SNX27: variants seen among roughly 807,000 people sequenced by gnomAD.
SNX27 encodes sorting nexin 27.
In SNX27, 22 loss-of-function variants were observed where a neutral mutation model predicts 71.6. The observed-to-expected ratio is 0.31, with a 90% confidence interval of 0.22 to 0.44. SNX27 has a LOEUF of 0.44. Among genes scored for constraint, SNX27 ranks in the 20% least tolerant of loss-of-function variants. SNX27 has a pLI of 1.00. For missense variants in SNX27, 531 were observed against 698.6 expected (o/e 0.76, Z 2.70); for synonymous variants, 269 against 277.2 (o/e 0.97, Z 0.29).
At chr1:151,638,779 C>T in intron 1 of SNX27, 109 bp from the exon 2 acceptor site, 4 of 953,098 alleles carry the variant, frequency 4.2e-6, no homozygotes, top group African/African-American at 1.6e-5. Context: ...AATCTTTTGA[C>T]TTCATGGTTC....
intron 2 of SNX27, among the ~76,000 whole-genome samples, chr1:151,639,837 A>C (rs1238706004): frequency 2.0e-5 from 3 of 152,198 alleles, no homozygotes; most frequent in East Asian, 1.9e-4. Context: ...TTTTGGTTGC[A>C]ATATGCTTTA....
At chr1:151,637,157 TTTTTGTTTTTTTG>T (rs1449817061) in intron 1 of SNX27, among the ~76,000 whole-genome samples, 3 of 29,270 alleles carry the variant, frequency 1.0e-4, no homozygotes, top group Non-Finnish European at 5.3e-4. Context: ...GATCACGTTT[TTTTTGTTTTTTTG>T]TTTTTTTTTT....
At position 151,668,482 on chromosome 1, in the gene SNX27, G is replaced by C; in HGVS notation, c.996G>C (p.Leu332Phe). ...TTGTCTTTCCTTTAGTACGTAAATT[G>C]GCACCTAATGAGTTTCCTCACAAAC... The part of the protein sequence containing the change: ...EVISHSFVRK[L>F]APNEFPHKLY... The change falls in exon 7 of 12, where the codon TTG (leucine) becomes TTC (phenylalanine). Residue 332 changes from leucine to phenylalanine, a missense_variant. Coordinates refer to ENST00000458013, the MANE Select transcript of SNX27 (RefSeq NM_001330723.2). The C allele has an allele frequency of 6.2e-7, 1 of 1,609,782 alleles. No homozygotes were observed. The highest frequency in any genetic ancestry group is 1.3e-5 in the African/African-American group (1 of 74,764).
At chr1:151,680,531 T>C (rs1258973393) in intron 7 of SNX27, 8 of 152,194 alleles carry the variant, frequency 5.3e-5, no homozygotes, top group African/African-American at 1.9e-4. Flanking sequence ...TTGGAATTGC[T>C]GGAGTAGATA....
At chr1:151,670,029 A>G (rs781451221) in intron 7 of SNX27, among the ~76,000 whole-genome samples, 19 of 151,830 alleles carry the variant, frequency 1.3e-4, no homozygotes, top group Non-Finnish European at 2.6e-4. Flanking sequence ...ACCATCCCTG[A>G]CTCTTCCCCA....
At chr1:151,670,056 C>T (rs1192280891) in intron 7 of SNX27, among the ~76,000 whole-genome samples, 2 of 152,188 alleles carry the variant, frequency 1.3e-5, no homozygotes, top group Non-Finnish European at 2.9e-5. Flanking sequence ...CACTACCCTT[C>T]CCAGAGTCTG....
chr1:151,612,459 CG>C lies in SNX27; in HGVS notation c.265del (p.Ala89ArgfsTer16). On this transcript the variant is annotated frameshift_variant, in exon 1 of 12. Coordinates refer to ENST00000458013, the MANE Select transcript of SNX27 (RefSeq NM_001330723.2). LOFTEE classifies it high-confidence loss of function. The surrounding 1 kb of genome is among the most constrained non-coding windows in gnomAD (Gnocchi z 5.2). ...TGCAGCATGTGAGCGCCGTGCTGCC[CG>C]GGGGGGCGGCCGATCGGGCCGGGGT... is the stretch of plus-strand genomic sequence containing the variant. ...PLQHVSAVLP[G>X]GAADRAGVRK... is the part of the protein sequence containing the mutation. 17 of 1,424,340 alleles carry C rather than the reference CG, an allele frequency of 1.2e-5. No homozygotes were observed. Among genetic ancestry groups the C allele is most frequent in the Admixed American group, 9.4e-5 (3 of 31,790 alleles). The allele number at this position is 1,424,340 out of a possible 1,614,324, so 88.2% of individuals were successfully genotyped here. A position where few individuals can be genotyped will look rare whatever the true frequency, so the allele number is the denominator to read the frequency against.
At chr1:151,678,701 CTTA>C (rs1434361986) in intron 7 of SNX27, 1 of 123,248 alleles carries the variant, frequency 8.1e-6, no homozygotes, top group Non-Finnish European at 2.1e-5. Flanking sequence ...TCTCAAATGA[CTTA>C]TTTTTTTGTT....
chr1:151,615,804 G>C (rs1667400952), intron 1 of SNX27: 1 of 984,554 alleles, frequency 1.0e-6, no homozygotes, highest in Admixed American at 6.1e-5. Flanking sequence ...AACTGACAGT[G>C]GTGTGAAAGA....
At chr1:151,682,618 C>T (rs1042035815) in intron 7 of SNX27, among the ~76,000 whole-genome samples, 3 of 152,168 alleles carry the variant, frequency 2.0e-5, no homozygotes, top group African/African-American at 7.2e-5. Context: ...CTCACAGTTT[C>T]GCATGGCTTG....
At chr1:151,641,606 TATA>T (rs1173083204) in intron 2 of SNX27, among the ~76,000 whole-genome samples, 2 of 78,778 alleles carry the variant, frequency 2.5e-5, no homozygotes, top group Non-Finnish European at 5.0e-5. Flanking sequence ...CAGATATATA[TATA>T]TATATATATA....
At chr1:151,679,679 TA>T (rs1670852607) in intron 7 of SNX27, 1 of 152,138 alleles carries the variant, frequency 6.6e-6, no homozygotes, top group African/African-American at 2.4e-5. Flanking sequence ...TCAGAGGAAA[TA>T]AAAAATTTTG....
Position 151,628,860 on chromosome 1 carries a change from CT to C in SNX27, c.312-10025del, listed in dbSNP as rs1323812979. Among the ~76,000 whole-genome samples, 3 of 152,220 alleles carry C rather than the reference CT, an allele frequency of 2.0e-5. No individual in the cohort carries two copies. The South Asian group carries it at 6.2e-4, about 32-fold the overall frequency. ...TTCTTATTGTTGAGTTTTAATAGCTCTTTGTATATTTTGGATACAAGTGTTT... is the reference window on the plus strand; with the variant it reads ...TTCTTATTGTTGAGTTTTAATAGCTCTTGTATATTTTGGATACAAGTGTTT... On this transcript the variant is annotated intron_variant, in intron 1 of 11. Transcript: ENST00000458013.
chr1:151,683,958 A>G, intron 8 of SNX27, among the ~76,000 whole-genome samples: 1 of 152,142 alleles, frequency 6.6e-6, no homozygotes, highest in East Asian at 1.9e-4. Flanking sequence ...TGAGCCACTG[A>G]GCCTGGCCCA....
At chr1:151,687,716 A>AG (rs1671243658) in intron 8 of SNX27, among the ~76,000 whole-genome samples, 1 of 152,274 alleles carries the variant, frequency 6.6e-6, no homozygotes, top group Admixed American at 6.5e-5. Flanking sequence ...TGGGAGGCCG[A>AG]GGCGGGCCGA....
rs1195911600 is a variant in SNX27 at position 151,612,330 on chromosome 1, C to T, written c.129C>T (p.Val43=). 2.0e-6 allele frequency: 3 copies of T among 1,532,626 alleles called. No individual in the cohort carries two copies. Among genetic ancestry groups the T allele is most frequent in the Admixed American group, 2.1e-5 (1 of 46,606 alleles). 94.9% of individuals were successfully genotyped at this position (1,532,626 alleles called of 1,614,324 possible). The change falls in exon 1 of 12, where the codon GTC becomes GTT. Residue 43 remains valine, a synonymous_variant. Transcript: ENST00000458013. The surrounding 1 kb of genome is among the most constrained non-coding windows in gnomAD (Gnocchi z 5.2). The part of the protein sequence containing the change: ...NGGGGGGGPR[V]VRIVKSESGY... ...GCGGGGGAGGCGGCGGCCCGCGGGT[C>T]GTGCGCATCGTCAAGTCCGAGTCCG...
chr1:151,628,817 T>A (rs917518031), intron 1 of SNX27, among the ~76,000 whole-genome samples: 3 of 152,254 alleles, frequency 2.0e-5, no homozygotes, highest in African/African-American at 7.2e-5. Context: ...TGCCCATTTT[T>A]AAATTGGGTT....
At chr1:151,617,981 G>A (rs1362074951) in intron 1 of SNX27, among the ~76,000 whole-genome samples, 3 of 144,124 alleles carry the variant, frequency 2.1e-5, no homozygotes, top group South Asian at 2.3e-4. Context: ...TCAGCCTTCC[G>A]AGTAGCTGGC....
chr1:151,660,742 A>C, intron 3 of SNX27, 56 bp from the exon 4 acceptor site: 4 of 1,327,194 alleles, frequency 3.0e-6, no homozygotes, highest in Non-Finnish European at 2.2e-6. Context: ...TACGTCTTTG[A>C]CTTTATATTC....
Sources: allele counts gnomAD v4.1 joint callset (sites outside exome capture counted in the v4.1 genomes callset), GRCh38; gene constraint gnomAD v4.1.1; non-coding constraint Gnocchi (gnomAD v3.1); transcripts MANE v1.5; gene names NCBI Gene and HGNC (gene_info 2026-07-23, HGNC 2026-07-21).